CCDC88A: variants seen among roughly 807,000 people sequenced by gnomAD.
CCDC88A encodes the protein girdin.
A neutral mutation model predicts 234.3 loss-of-function variants in CCDC88A; 54 were observed. That is an observed-to-expected ratio of 0.23 (90% CI 0.19 to 0.29). The LOEUF is 0.29. CCDC88A is among the 10% of genes least tolerant of loss of function. The pLI, the probability that CCDC88A is intolerant of heterozygous loss-of-function variation, is 1.00. For synonymous variants in CCDC88A, 753 were observed against 737.8 expected (o/e 1.02, Z -0.33); for missense variants, 1,832 against 2,123.4 (o/e 0.86, Z 2.70).
At position 55,310,352 on chromosome 2, in the gene CCDC88A, C is replaced by T. The variant is rs188704752; in HGVS notation, c.4080-1098G>A. ...ATTCTAGTGCTTTGGGAGGTGGAGGCAGGTGGATCACTTGAGCTCAGGAGT... is the reference window on the plus strand; with the variant it reads ...ATTCTAGTGCTTTGGGAGGTGGAGGTAGGTGGATCACTTGAGCTCAGGAGT... On this transcript the variant is annotated intron_variant, in intron 23 of 32. Transcript: ENST00000436346. 3.5e-4 allele frequency among the ~76,000 whole-genome samples: 54 copies of T among 152,174 alleles called. No individual in the cohort carries two copies. The East Asian group carries it at 9.7e-3, about 27-fold the overall frequency.
rs1679191487 is a variant in CCDC88A, at chr2:55,288,008, A to G, written c.*3192T>C. On this transcript the variant is annotated 3_prime_UTR_variant, in exon 33 of 33. Transcript: ENST00000436346. ...TGGATGCCTGTGACTGACATCAGGT[A>G]TTGCCAAGTAATAAACATTTTGCCA... 6.6e-6 allele frequency: 1 copy of G among 152,656 alleles called. No homozygotes were observed. Among genetic ancestry groups the G allele is most frequent in the African/African-American group, 2.4e-5 (1 of 41,456 alleles). The allele number at this position is 152,656 out of a possible 1,614,324, so 9.5% of individuals were successfully genotyped here.
intron 7 of CCDC88A, among the ~76,000 whole-genome samples, chr2:55,357,048 G>A (rs948834678): frequency 1.3e-5 from 2 of 152,196 alleles, no homozygotes; most frequent in African/African-American, 4.8e-5. Context: ...CATCACTGCA[G>A]AATTGGACAG....
chr2:55,299,795 C>T (rs1680659176), intron 29 of CCDC88A, 44 bp downstream of exon 29: 1 of 1,288,336 alleles, frequency 7.8e-7, no homozygotes, highest in Non-Finnish European at 1.1e-6. Context: ...CCTTTAAATA[C>T]TGGAAATGGA....
At chr2:55,315,683 A>T (rs913110921) in intron 22 of CCDC88A, among the ~76,000 whole-genome samples, 9 of 152,234 alleles carry the variant, frequency 5.9e-5, no homozygotes, top group South Asian at 2.1e-4. Flanking sequence ...TCATTAAATG[A>T]ATAATTTTAC....
At chr2:55,381,183 T>C (rs558681131) in intron 3 of CCDC88A, among the ~76,000 whole-genome samples, 447 of 152,320 alleles carry the variant, frequency 2.9e-3, no homozygotes, top group Middle Eastern at 0.017. Context: ...AGGTGTGTAG[T>C]AGACTATATC....
At chr2:55,331,960 CTGTTT>C (rs1206810026) in intron 16 of CCDC88A, 1 of 152,042 alleles carries the variant, frequency 6.6e-6, no homozygotes, top group Non-Finnish European at 1.5e-5. Flanking sequence ...ATGTCTTATT[CTGTTT>C]TTACAGTCAA....
chr2:55,394,970 C>T (rs978550332), intron 2 of CCDC88A, among the ~76,000 whole-genome samples: 4 of 151,856 alleles, frequency 2.6e-5, no homozygotes, highest in Non-Finnish European at 4.4e-5. Context: ...CTTAGCCTCC[C>T]GAGTAGCTGG....
At position 55,334,497 on chromosome 2, in the gene CCDC88A, C is replaced by T; in HGVS notation, c.2324G>A (p.Ser775Asn). 6.2e-7 allele frequency: 1 copy of T among 1,607,018 alleles called. No individual in the cohort carries two copies. The highest frequency in any genetic ancestry group is 8.5e-7 in the Non-Finnish European group (1 of 1,178,042). Residue 775 changes from serine (S) to asparagine (N), a missense_variant, in exon 15 of 33, where the codon AGC (serine) becomes AAC (asparagine). Around this residue, in one of 6 missense-constraint regions of CCDC88A, gnomAD observed 1,282 missense variants for 1,543.6 expected, o/e 0.83. Transcript: ENST00000436346. The surrounding 1 kb of genome is among the most constrained non-coding windows in gnomAD (Gnocchi z 6.1). The part of the protein sequence containing the change: ...NQRLQKTLEN[S>N]NKKIQQLESE... ...CTCTAATTGCTGGATTTTTTTATTG[C>T]TGTTCTCTAAAGTTTTTTGCAGTCT...
intron 3 of CCDC88A, among the ~76,000 whole-genome samples, chr2:55,384,619 ACG>A (rs1558788857): frequency 2.5e-5 from 2 of 81,522 alleles, no homozygotes; most frequent in African/African-American, 6.9e-5. Flanking sequence ...GTGTATATAT[ACG>A]TATATATATG....
chr2:55,351,626 G>A (rs7587178), intron 8 of CCDC88A, among the ~76,000 whole-genome samples: 4,103 of 152,294 alleles, frequency 0.027, 161 homozygotes, highest in African/African-American at 0.092. Context: ...AATTATAGGC[G>A]TAAGCCACCA....
Position 55,418,652 on chromosome 2 carries a change from G to A in CCDC88A, c.164+164C>T. On this transcript the variant is annotated intron_variant, in intron 2 of 32. Transcript: ENST00000436346. ...GTAAAATATCTAGGTTGTGATAATGGGCTGAGCCCATAACATTAGCATTCC... is the reference window on the plus strand; with the variant it reads ...GTAAAATATCTAGGTTGTGATAATGAGCTGAGCCCATAACATTAGCATTCC... 4.8e-6 allele frequency: 3 copies of A among 621,744 alleles called. No homozygotes were observed. In the Middle Eastern group the frequency reaches 8.0e-4, roughly 165 times the overall value. 38.5% of individuals were successfully genotyped at this position (621,744 alleles called of 1,614,324 possible). A position where few individuals can be genotyped will look rare whatever the true frequency, so the allele number is the denominator to read the frequency against.
intron 2 of CCDC88A, among the ~76,000 whole-genome samples, chr2:55,399,095 A>G (rs1429874983): frequency 6.6e-6 from 1 of 152,206 alleles, no homozygotes; most frequent in East Asian, 1.9e-4. Flanking sequence ...AAGAAGAAAT[A>G]CAGGAGCATA....
intron 29 of CCDC88A, among the ~76,000 whole-genome samples, chr2:55,298,385 G>A (rs937868553): frequency 6.6e-6 from 1 of 151,894 alleles, no homozygotes; most frequent in Non-Finnish European, 1.5e-5. Flanking sequence ...GTCAAATGAA[G>A]TAGTGGGAGT....
intron 2 of CCDC88A, chr2:55,404,281 G>C (rs935740933): frequency 2.0e-5 from 3 of 152,014 alleles, no homozygotes; most frequent in African/African-American, 7.3e-5. Context: ...TTTTAAATTT[G>C]GTAAGAAAAT....
chr2:55,400,527 T>A (rs11680143), intron 2 of CCDC88A, among the ~76,000 whole-genome samples: 77,072 of 152,154 alleles, frequency 0.51, 21,628 homozygotes, highest in Admixed American at 0.63. Flanking sequence ...GTTGCATTAA[T>A]TTCAATTAAA....
intron 31 of CCDC88A, chr2:55,292,010 T>TTA: frequency 3.5e-6 from 1 of 283,332 alleles, no homozygotes; most frequent in Non-Finnish European, 6.3e-6. Context: ...CAATTACATT[T>TTA]CCCCCCCTCT....
At chr2:55,310,449 G>A (rs1418781341) in intron 23 of CCDC88A, among the ~76,000 whole-genome samples, 1 of 152,162 alleles carries the variant, frequency 6.6e-6, no homozygotes, top group Non-Finnish European at 1.5e-5. Context: ...GCATGCCGCA[G>A]CATTTGCCTG....
chr2:55,305,369 G>A (rs1266118739), intron 25 of CCDC88A, among the ~76,000 whole-genome samples: 1 of 151,992 alleles, frequency 6.6e-6, no homozygotes, highest in East Asian at 1.9e-4. Context: ...TGGGTTTGGG[G>A]TTTATTTTAA....
At position 55,381,876 on chromosome 2, in the gene CCDC88A, A is replaced by C. The variant is rs138441505; in HGVS notation, c.273+6902T>G. Among the ~76,000 whole-genome samples, 157 of 152,334 alleles carry C rather than the reference A, an allele frequency of 1.0e-3. 2 individuals are homozygous for C. The East Asian group carries it at 0.017, about 17-fold the overall frequency. The stretch of plus-strand genomic sequence containing the variant: ...TTCTACAGAATTAAAAATATGTTCA[A>C]AGAATTCTAAAATACACAGAAATGA... On this transcript the variant is annotated intron_variant, in intron 3 of 32. Coordinates refer to ENST00000436346, the MANE Select transcript of CCDC88A (RefSeq NM_001365480.1).
Sources: allele counts gnomAD v4.1 joint callset (sites outside exome capture counted in the v4.1 genomes callset), GRCh38; gene constraint gnomAD v4.1.1; regional missense constraint gnomAD v4.1.1; non-coding constraint Gnocchi (gnomAD v3.1); transcripts MANE v1.5; gene names NCBI Gene and HGNC (gene_info 2026-07-23, HGNC 2026-07-21).